TXNDC5: variants seen among roughly 807,000 people sequenced by gnomAD.
The protein encoded by TXNDC5 is thioredoxin domain containing 5, also known as thioredoxin domain-containing protein 5.
A neutral mutation model predicts 52.6 loss-of-function variants in TXNDC5; 44 were observed. The ratio of observed to expected loss-of-function variants is 0.84; its 90% confidence interval spans 0.66 to 1.08. TXNDC5 has a LOEUF of 1.08. Among genes scored for constraint, TXNDC5 ranks in the 50% least tolerant of loss-of-function variants. The probability of loss-of-function intolerance (pLI) is 0.00; values close to 1 mark genes in which losing one functional copy is unlikely to be tolerated. For missense variants in TXNDC5, 600 were observed against 565.5 expected, an observed-to-expected ratio of 1.06 and a Z score of -0.62; for synonymous variants, 241 against 234.4, an observed-to-expected ratio of 1.03 and a Z score of -0.26.
At position 7,891,657 on chromosome 6, in the gene TXNDC5, C is replaced by T. The variant is rs1760194139; in HGVS notation, c.696G>A (p.Leu232=). 1.9e-6 allele frequency: 3 copies of T among 1,613,892 alleles called. No individual in the cohort carries two copies. The highest frequency in any genetic ancestry group is 1.7e-5 in the Admixed American group (1 of 59,994). The change falls in exon 5 of 10, where the codon CTG becomes CTA. Residue 232 remains leucine, a synonymous_variant. Coordinates refer to ENST00000379757, the MANE Select transcript of TXNDC5 (RefSeq NM_030810.5). ...TGACAGTTTCGGAATGTTCAAGGCCCAGAGCCAGCTGCTCCCAGGTTGGAG... is the reference window on the plus strand; with the variant it reads ...TGACAGTTTCGGAATGTTCAAGGCCTAGAGCCAGCTGCTCCCAGGTTGGAG... ...ALAPTWEQLA[L]GLEHSETVKI... is the part of the protein sequence containing the mutation.
intron 6 of TXNDC5, 31 bp downstream of exon 6, chr6:7,889,464 G>C: frequency 6.3e-7 from 1 of 1,588,482 alleles, no homozygotes; most frequent in Non-Finnish European, 8.6e-7. Context: ...AAGAGATGAA[G>C]AATTCTCAGT....
At chr6:7,896,592 C>G (rs190130111) in intron 3 of TXNDC5, among the ~76,000 whole-genome samples, 1 of 152,232 alleles carries the variant, frequency 6.6e-6, no homozygotes, top group East Asian at 1.9e-4. Context: ...CAAAGTTTCC[C>G]TTCTGCTGCC....
chr6:7,891,764 G>T, intron 4 of TXNDC5, 28 bp from the exon 5 acceptor site: 1 of 1,516,790 alleles, frequency 6.6e-7, no homozygotes, highest in South Asian at 1.1e-5. Flanking sequence ...GGCAGAGACG[G>T]GGGAAAGAGG....
chr6:7,892,633 G>A (rs145951613), intron 4 of TXNDC5, among the ~76,000 whole-genome samples: 12 of 152,052 alleles, frequency 7.9e-5, no homozygotes, highest in East Asian at 5.8e-4. Flanking sequence ...TGCTGGTCTC[G>A]TGATAGTGAA....
Position 7,882,902 on chromosome 6 carries a change from T to C in TXNDC5, c.*242A>G. 2 of 446,340 alleles carry C rather than the reference T, an allele frequency of 4.5e-6. No homozygotes were observed. Among genetic ancestry groups the C allele is most frequent in the South Asian group, 4.0e-5 (1 of 25,224 alleles). The allele number at this position is 446,340 out of a possible 1,614,324, so 27.6% of individuals were successfully genotyped here. ...TCAAGAGAAGGTCAAAGGGGATATA[T>C]CGCCACTGAAAATGTTTACACAGTG... On this transcript the variant is annotated 3_prime_UTR_variant, in exon 10 of 10. Coordinates refer to ENST00000379757, the MANE Select transcript of TXNDC5 (RefSeq NM_030810.5).
At position 7,882,995 on chromosome 6, in the gene TXNDC5, G is replaced by GA; in HGVS notation, c.*148dup. 9.5e-7 allele frequency: 1 copy of GA among 1,050,560 alleles called. No individual in the cohort carries two copies. Among genetic ancestry groups the GA allele is most frequent in the Non-Finnish European group, 1.4e-6 (1 of 739,154 alleles). 65.1% of individuals were successfully genotyped at this position (1,050,560 alleles called of 1,614,324 possible). On this transcript the variant is annotated 3_prime_UTR_variant, in exon 10 of 10. Transcript: ENST00000379757. ...AGAATCTGTAGAGTGTGTTGGCTTG[G>GA]AAAACACACACACAAAGAAGATACC...
In TXNDC5 at chr6:7,882,847, T is replaced by TTA. The variant is rs1277715894; in HGVS notation, c.*295_*296dup. On this transcript the variant is annotated 3_prime_UTR_variant, in exon 10 of 10. Transcript: ENST00000379757. ...CAATTTCATTTCCCTCAACGCTATT[T>TTA]TAGTCTCAAAGGAAACCATGTAAAT... 1.5e-5 allele frequency: 4 copies of TTA among 260,624 alleles called. No homozygotes were observed. The highest frequency in any genetic ancestry group is 2.9e-5 in the Non-Finnish European group (4 of 137,130). 16.1% of individuals were successfully genotyped at this position (260,624 alleles called of 1,614,324 possible). A position where few individuals can be genotyped will look rare whatever the true frequency, so the allele number is the denominator to read the frequency against.
At position 7,888,867 on chromosome 6, in the gene TXNDC5, C is replaced by G; in HGVS notation, c.820-19G>C. The G allele has an allele frequency of 6.3e-7, 1 of 1,591,820 alleles. No homozygotes were observed. Among genetic ancestry groups the G allele is most frequent in the Admixed American group, 1.7e-5 (1 of 57,890 alleles). Reference sequence around the variant, plus strand: ...GATCCACCTGGCCAAGACACGGGCACGCGGCTGAGTGAGTCCACTGAGGTG... The same window carrying G: ...GATCCACCTGGCCAAGACACGGGCAGGCGGCTGAGTGAGTCCACTGAGGTG... On this transcript the variant is annotated intron_variant, in intron 6 of 9. Coordinates refer to ENST00000379757, the MANE Select transcript of TXNDC5 (RefSeq NM_030810.5).
rs1304918535 is a variant in TXNDC5 at position 7,910,719 on chromosome 6, C to T, written c.58G>A (p.Ala20Thr). 9.5e-7 allele frequency: 1 copy of T among 1,050,434 alleles called. No individual in the cohort carries two copies. Among genetic ancestry groups the T allele is most frequent in the Non-Finnish European group, 1.1e-6 (1 of 875,618 alleles). 65.1% of individuals were successfully genotyped at this position (1,050,434 alleles called of 1,614,324 possible). The change falls in exon 1 of 10, where the codon GCG (alanine) becomes ACG (threonine). Residue 20 changes from alanine (A) to threonine (T), a missense_variant. Transcript: ENST00000379757. ...TGGCCCAGCAGCAGCAGCAGCAGCG[C>T]AGTCAGGGCCGCCGGCCGGGCCAGC... ...PLLARPAALT[A>T]LLLLLLGHGG...
At position 7,904,556 on chromosome 6, in the gene TXNDC5, CCCTT is replaced by C; in HGVS notation, c.413+14_413+17del. 1.2e-6 allele frequency: 2 copies of C among 1,612,968 alleles called. No individual in the cohort carries two copies. The highest frequency in any genetic ancestry group is 2.7e-5 in the African/African-American group (2 of 75,038). ...CCAGGAGCCACCTAGGAAGTGTGCCCCCTTCCTTCCAACTTACGTGGGGTATCCT... is the reference window on the plus strand; with the variant it reads ...CCAGGAGCCACCTAGGAAGTGTGCCCCCTTCCAACTTACGTGGGGTATCCT... On this transcript the variant is annotated intron_variant, in intron 2 of 9. Transcript: ENST00000379757.
In TXNDC5 at chr6:7,904,586, C is replaced by A. The variant is rs754952152; in HGVS notation, c.401G>T (p.Arg134Leu). 6.2e-7 allele frequency: 1 copy of A among 1,614,152 alleles called. No homozygotes were observed. ...CCTTCCAACTTACGTGGGGTATCCTCGCACCCCCTGGGCGGAGCACACGTC... is the reference window on the plus strand; with the variant it reads ...CCTTCCAACTTACGTGGGGTATCCTAGCACCCCCTGGGCGGAGCACACGTC... ...HSDVCSAQGV[R>L]GYPTLKLFKP... The change falls in exon 2 of 10, where the codon CGA becomes CTA. Residue 134 changes from arginine (R) to leucine (L), a missense_variant. By Grantham distance (102) the Arg-to-Leu change is moderately radical (BLOSUM62 -2). Coordinates refer to ENST00000379757, the MANE Select transcript of TXNDC5 (RefSeq NM_030810.5).
intron 4 of TXNDC5, among the ~76,000 whole-genome samples, chr6:7,893,468 G>A (rs2113340878): frequency 6.6e-6 from 1 of 152,300 alleles, no homozygotes; most frequent in Middle Eastern, 3.4e-3. Context: ...GCAAGGGCAG[G>A]AAGCCACCAT....
intron 2 of TXNDC5, among the ~76,000 whole-genome samples, chr6:7,903,493 G>T (rs756485191): frequency 1.3e-5 from 2 of 152,196 alleles, no homozygotes; most frequent in African/African-American, 4.8e-5. Context: ...AACAATGTTT[G>T]GGGGATCACC....
At position 7,891,628 on chromosome 6, in the gene TXNDC5, A is replaced by G. The variant is rs1398011502; in HGVS notation, c.725T>C (p.Ile242Thr). Residue 242 changes from isoleucine (I) to threonine (T), a missense_variant, in exon 5 of 10, where the codon ATT becomes ACT. Transcript: ENST00000379757. ...LGLEHSETVK[I>T]GKVDCTQHYE... ...ATAAGGGCTTTCACTCACCTTGCCA[A>G]TCTTGACAGTTTCGGAATGTTCAAG... is the stretch of plus-strand genomic sequence containing the variant. 5 of 1,613,642 alleles carry G rather than the reference A, an allele frequency of 3.1e-6. No homozygotes were observed. Among genetic ancestry groups the G allele is most frequent in the Non-Finnish European group, 4.2e-6 (5 of 1,179,770 alleles).
intron 5 of TXNDC5, among the ~76,000 whole-genome samples, chr6:7,890,997 T>C (rs73365786): frequency 0.031 from 4,692 of 152,240 alleles, 231 homozygotes; most frequent in African/African-American, 0.1. Context: ...ATCAGCCCCA[T>C]GGCAAGGTAG....
At position 7,888,676 on chromosome 6, in the gene TXNDC5, T is replaced by C. The variant is rs146409770; in HGVS notation, c.963+29A>G. On this transcript the variant is annotated intron_variant, in intron 7 of 9. Coordinates refer to ENST00000379757, the MANE Select transcript of TXNDC5 (RefSeq NM_030810.5). ...GGGGCCGGGGGCCACGGGCCACTTA[T>C]GGGGATCCCGACTCCAGCAGGCACC... The C allele has an allele frequency of 1.9e-3, 3,083 of 1,593,532 alleles. 47 individuals carry two copies. The African/African-American group carries it at 0.032, about 16-fold the overall frequency.
chr6:7,900,848 A>G (rs1006609369), intron 2 of TXNDC5, among the ~76,000 whole-genome samples: 19 of 152,020 alleles, frequency 1.2e-4, no homozygotes. Flanking sequence ...TATTCATGAG[A>G]GCTCCACCCT....
At chr6:7,894,907 T>C (rs568312808) in intron 4 of TXNDC5, 199 bp downstream of exon 4, 1 of 985,422 alleles carries the variant, frequency 1.0e-6, no homozygotes, top group East Asian at 1.1e-4. Context: ...GGCGTTTCTA[T>C]AAGGGCACAG....
intron 4 of TXNDC5, among the ~76,000 whole-genome samples, 172 bp from the exon 5 acceptor site, chr6:7,891,908 G>C (rs1241926203): frequency 1.3e-5 from 2 of 152,222 alleles, no homozygotes; most frequent in Non-Finnish European, 2.9e-5. Flanking sequence ...TTCTGTTCAT[G>C]ACTTCATAAC....
Sources: gnomAD v4.1 joint callset for allele counts (sites outside exome capture counted in the v4.1 genomes callset) on GRCh38, gnomAD v4.1.1 for gene constraint, MANE v1.5 for transcripts, NCBI Gene and HGNC (gene_info 2026-07-23, HGNC 2026-07-21) for gene names.